KTN1: variants seen among roughly 807,000 people sequenced by gnomAD.
The protein encoded by KTN1 is kinectin.
KTN1 carries 130 observed loss-of-function variants against 222.5 expected under a neutral mutation model. That is an observed-to-expected ratio of 0.58 (90% CI 0.51 to 0.68). The LOEUF is 0.68. KTN1 is among the 30% of genes least tolerant of loss of function. The pLI is 0.00. For missense variants in KTN1, 1,508 were observed against 1,500.4 expected (o/e 1.01, Z -0.08); for synonymous variants, 512 against 496.3 (o/e 1.03, Z -0.42).
chr14:55,634,427 C>T (rs1422440829), intron 8 of KTN1, 99 bp from the exon 9 acceptor site: 4 of 1,067,216 alleles, frequency 3.7e-6, no homozygotes, highest in Non-Finnish European at 5.2e-6. Context: ...GTAAATGGAA[C>T]TACTAGCTCA....
intron 1 of KTN1, among the ~76,000 whole-genome samples, chr14:55,608,624 CTTTT>C (rs575646665): frequency 7.2e-6 from 1 of 138,986 alleles, no homozygotes; most frequent in Non-Finnish European, 1.6e-5. Flanking sequence ...TTGCTGTGAA[CTTTT>C]TTTTTTTTTT....
chr14:55,616,457 A>C lies in KTN1; in HGVS notation c.524-60A>C, dbSNP rs561045256. On this transcript the variant is annotated intron_variant, in intron 2 of 43. Transcript: ENST00000395314. ...ATTCTGGGAATTACTCAGTGATTGC[A>C]TCTTTTCCGTTATGTTCATTGTTTG... 4.2e-6 allele frequency: 6 copies of C among 1,433,716 alleles called. No individual in the cohort carries two copies. In the East Asian group the frequency reaches 9.3e-5, roughly 22 times the overall value. The allele number at this position is 1,433,716 out of a possible 1,614,324, so 88.8% of individuals were successfully genotyped here.
chr14:55,668,573 G>C (rs190035618), intron 34 of KTN1: 78 of 152,194 alleles, frequency 5.1e-4, no homozygotes, highest in African/African-American at 1.9e-3. Flanking sequence ...CACTTCATGG[G>C]CGGTGGTGTG....
In KTN1 at chr14:55,610,506, C is replaced by T. The variant is rs541997587; in HGVS notation, c.-30-1513C>T. Among the ~76,000 whole-genome samples, 3 of 152,082 alleles carry T rather than the reference C, an allele frequency of 2.0e-5. No individual in the cohort carries two copies. In the South Asian group the frequency reaches 6.3e-4, roughly 32 times the overall value. ...TAAAATAATTCTTAGAATAAGTTACCCGTTTAGGTAGAATTTGGTTTCTTT... is the reference window on the plus strand; with the variant it reads ...TAAAATAATTCTTAGAATAAGTTACTCGTTTAGGTAGAATTTGGTTTCTTT... On this transcript the variant is annotated intron_variant, in intron 1 of 43. Coordinates refer to ENST00000395314, the MANE Select transcript of KTN1 (RefSeq NM_001079521.2).
At chr14:55,603,297 G>A (rs185086601) in intron 1 of KTN1, among the ~76,000 whole-genome samples, 4 of 152,210 alleles carry the variant, frequency 2.6e-5, no homozygotes, top group Admixed American at 2.6e-4. Flanking sequence ...CTGCTTCAAA[G>A]AGTTGTCCAC....
At chr14:55,581,282 C>T (rs953365150) in intron 1 of KTN1, among the ~76,000 whole-genome samples, 12 of 152,220 alleles carry the variant, frequency 7.9e-5, no homozygotes, top group Admixed American at 5.9e-4. Context: ...CCAGTTGCAC[C>T]TTGACTAGGT....
At chr14:55,591,827 C>T (rs1250306566) in intron 1 of KTN1, among the ~76,000 whole-genome samples, 9 of 152,096 alleles carry the variant, frequency 5.9e-5, no homozygotes, top group South Asian at 2.1e-4. Context: ...CCGCCCGCCT[C>T]GGCCACCCAA....
At chr14:55,582,171 A>T (rs1170254044) in intron 1 of KTN1, among the ~76,000 whole-genome samples, 1 of 152,166 alleles carries the variant, frequency 6.6e-6, no homozygotes, top group Non-Finnish European at 1.5e-5. Flanking sequence ...CAAGTATTTA[A>T]CTCTTAATGA....
intron 1 of KTN1, among the ~76,000 whole-genome samples, chr14:55,606,451 G>GT (rs1370548360): frequency 3.3e-5 from 5 of 151,864 alleles, no homozygotes; most frequent in African/African-American, 9.7e-5. Context: ...TTTGCTAATG[G>GT]TTTTTTTGAG....
At chr14:55,634,431 T>C in intron 8 of KTN1, 95 bp from the exon 9 acceptor site, 2 of 1,127,420 alleles carry the variant, frequency 1.8e-6, no homozygotes, top group Non-Finnish European at 2.5e-6. Context: ...ATGGAACTAC[T>C]AGCTCAGCTC....
intron 32 of KTN1, among the ~76,000 whole-genome samples, chr14:55,662,541 T>G (rs933191709): frequency 6.6e-6 from 1 of 152,186 alleles, no homozygotes; most frequent in African/African-American, 2.4e-5. Context: ...TTCTTAACTT[T>G]TCTCATACCA....
chr14:55,644,368 A>G lies in KTN1; in HGVS notation c.2173-2605A>G, dbSNP rs1408643371. 4 of 702,162 alleles carry G rather than the reference A, an allele frequency of 5.7e-6. No individual in the cohort carries two copies. The Admixed American group carries it at 6.0e-5, about 11-fold the overall frequency. The allele number at this position is 702,162 out of a possible 1,614,324, so 43.5% of individuals were successfully genotyped here. A position where few individuals can be genotyped will look rare whatever the true frequency, so the allele number is the denominator to read the frequency against. ...TATTCTGGAGGAAAAGATTGAGCGT[A>G]TAAAAGCAGAAACCAATAATGGTGC... On this transcript the variant is annotated intron_variant, in intron 18 of 43. Transcript: ENST00000395314.
chr14:55,638,487 C>T (rs2041400557), intron 12 of KTN1, among the ~76,000 whole-genome samples: 1 of 151,814 alleles, frequency 6.6e-6, no homozygotes, highest in African/African-American at 2.4e-5. Flanking sequence ...TCTGACATTT[C>T]TGTATAAAAA....
In KTN1 at chr14:55,649,776, G is replaced by T; in HGVS notation, c.2368G>T (p.Val790Phe). 1 of 1,499,562 alleles carries T rather than the reference G, an allele frequency of 6.7e-7. No individual in the cohort carries two copies. 92.9% of individuals were successfully genotyped at this position (1,499,562 alleles called of 1,614,324 possible). Residue 790 changes from valine to phenylalanine, a missense_variant and splice_region_variant, in exon 22 of 44, where the codon GTT (valine) becomes TTT (phenylalanine). Coordinates refer to ENST00000395314, the MANE Select transcript of KTN1 (RefSeq NM_001079521.2). ...AAGTAGGATACTTTCCTATTTCCAGGTTTCTTTTGCCTCTCTAGTTGAAGA... is the reference window on the plus strand; with the variant it reads ...AAGTAGGATACTTTCCTATTTCCAGTTTTCTTTTGCCTCTCTAGTTGAAGA... ...QDLKAKQNDQ[V>F]SFASLVEELK...
Position 55,671,621 on chromosome 14 carries a change from A to G in KTN1, c.3404A>G (p.Glu1135Gly). 1 of 1,613,004 alleles carries G rather than the reference A, an allele frequency of 6.2e-7. No individual in the cohort carries two copies. Among genetic ancestry groups the G allele is most frequent in the Non-Finnish European group, 8.5e-7 (1 of 1,179,462 alleles). ...ADEMHTLLQL[E>G]CEKYKSVLAE... Reference sequence around the variant, plus strand: ...GAAATGCACACATTGTTACAGCTAGAGTGTGAAAAATACAAATCCGTCCTT... The same window carrying G: ...GAAATGCACACATTGTTACAGCTAGGGTGTGAAAAATACAAATCCGTCCTT... The change falls in exon 36 of 44, where the codon GAG (glutamate) becomes GGG (glycine). Residue 1135 changes from glutamate (E) to glycine (G), a missense_variant. Physicochemically the swap from Glu to Gly is moderately conservative, Grantham distance 98 (BLOSUM62 -2). Coordinates refer to ENST00000395314, the MANE Select transcript of KTN1 (RefSeq NM_001079521.2).
Position 55,619,102 on chromosome 14 carries a change from T to G in KTN1, c.833-80T>G, listed in dbSNP as rs141896627. 4.7e-5 allele frequency: 55 copies of G among 1,175,742 alleles called. No individual in the cohort carries two copies. The East Asian group carries it at 1.1e-3, about 24-fold the overall frequency. 72.8% of individuals were successfully genotyped at this position (1,175,742 alleles called of 1,614,324 possible). Reference sequence around the variant, plus strand: ...TATTGACTTTCTGGGCCGTGAATTCTTCATGCTTACCTTTGCTGAAGTTAT... The same window carrying G: ...TATTGACTTTCTGGGCCGTGAATTCGTCATGCTTACCTTTGCTGAAGTTAT... On this transcript the variant is annotated intron_variant, in intron 4 of 43. Transcript: ENST00000395314.
intron 28 of KTN1, 118 bp downstream of exon 28, chr14:55,653,714 A>G: frequency 1.4e-6 from 1 of 708,132 alleles, no homozygotes; most frequent in South Asian, 2.1e-5. Flanking sequence ...TTAAGTGGAA[A>G]TTATAATTCC....
In KTN1 at chr14:55,684,416, A is replaced by G; in HGVS notation, c.*313A>G. 1 of 276,158 alleles carries G rather than the reference A, an allele frequency of 3.6e-6. No homozygotes were observed. The highest frequency in any genetic ancestry group is 6.8e-6 in the Non-Finnish European group (1 of 147,758). The allele number at this position is 276,158 out of a possible 1,614,324, so 17.1% of individuals were successfully genotyped here. A position where few individuals can be genotyped will look rare whatever the true frequency, so the allele number is the denominator to read the frequency against. The stretch of plus-strand genomic sequence containing the variant: ...TGTTCAGAAGATCAAAGTGGTAAAG[A>G]CAATGTAAAATTTAACATTTTAATA... On this transcript the variant is annotated 3_prime_UTR_variant, in exon 44 of 44. Transcript: ENST00000395314.
intron 17 of KTN1, 77 bp downstream of exon 17, chr14:55,641,285 C>T: frequency 2.4e-6 from 2 of 826,004 alleles, no homozygotes; most frequent in Non-Finnish European, 3.8e-6. Flanking sequence ...TCCAGAAATA[C>T]TACGTTTTGT....
Sources: gnomAD v4.1 joint callset for allele counts (sites outside exome capture counted in the v4.1 genomes callset) on GRCh38, gnomAD v4.1.1 for gene constraint, MANE v1.5 for transcripts, NCBI Gene and HGNC (gene_info 2026-07-23, HGNC 2026-07-21) for gene names.